Variants in STK32B observed in about 807,000 individuals in gnomAD.
STK32B encodes serine/threonine-protein kinase 32B.
In STK32B, 43 loss-of-function variants were observed where a neutral mutation model predicts 52.6. The ratio of observed to expected loss-of-function variants is 0.82; its 90% CI spans 0.64 to 1.05. The LOEUF (loss-of-function observed/expected upper bound fraction) is 1.05. Among genes scored for constraint, STK32B ranks in the 50% least tolerant of loss-of-function variants. The pLI is 0.00. For missense variants in STK32B, 621 were observed against 534.6 expected, an observed-to-expected ratio of 1.16 and a Z score of -1.59; for synonymous variants, 238 against 204.3, an observed-to-expected ratio of 1.17 and a Z score of -1.41.
intron 3 of STK32B, among the ~76,000 whole-genome samples, chr4:5,267,618 G>A (rs1041364025): frequency 1.3e-5 from 2 of 152,102 alleles, no homozygotes; most frequent in African/African-American, 4.8e-5. Context: ...TAAGTCAGTC[G>A]CACAGCTGGG....
chr4:5,494,669 C>T (rs1046310928), intron 11 of STK32B, among the ~76,000 whole-genome samples: 1 of 152,102 alleles, frequency 6.6e-6, no homozygotes, highest in Admixed American at 6.6e-5. Context: ...TCTTCCTAGC[C>T]TCGATGGTCT....
chr4:5,050,489 G>T (rs567325735), upstream of STK32B, among the ~76,000 whole-genome samples: 25 of 152,288 alleles, frequency 1.6e-4, no homozygotes, highest in African/African-American at 5.5e-4. Context: ...GAAAAAGAAA[G>T]AAGGGGAGAG....
chr4:5,489,415 A>T (rs1204245757), intron 11 of STK32B, among the ~76,000 whole-genome samples: 1 of 152,188 alleles, frequency 6.6e-6, no homozygotes, highest in South Asian at 2.1e-4. Flanking sequence ...TTAAATTAGC[A>T]ATACTTAATT....
upstream of STK32B, among the ~76,000 whole-genome samples, chr4:5,051,125 A>G (rs899171292): frequency 1.3e-5 from 2 of 152,260 alleles, no homozygotes; most frequent in South Asian, 2.1e-4. Flanking sequence ...ATGGGCAAAT[A>G]CAGGCTAGCG....
At chr4:5,116,813 C>T (rs1036857833) in intron 1 of STK32B, among the ~76,000 whole-genome samples, 1 of 151,398 alleles carries the variant, frequency 6.6e-6, no homozygotes, top group African/African-American at 2.5e-5. Context: ...TGTTTTAATT[C>T]CTTTCATCAA....
intron 11 of STK32B, among the ~76,000 whole-genome samples, chr4:5,492,059 C>T (rs1467023600): frequency 5.1e-4 from 77 of 152,084 alleles, no homozygotes; most frequent in South Asian, 1.2e-3. Flanking sequence ...CTTGGCAATG[C>T]GGGCTCTTTT....
chr4:5,152,961 A>G (rs755794218), intron 2 of STK32B, among the ~76,000 whole-genome samples: 10 of 152,208 alleles, frequency 6.6e-5, no homozygotes, highest in Non-Finnish European at 1.5e-4. Flanking sequence ...GGTCCTGGCA[A>G]CTGGAGACCC....
intron 4 of STK32B, among the ~76,000 whole-genome samples, chr4:5,336,549 G>C (rs1732709686): frequency 6.6e-6 from 1 of 151,658 alleles, no homozygotes; most frequent in Admixed American, 6.6e-5. Flanking sequence ...TGTGAAACAA[G>C]AAATAGCATT....
intron 3 of STK32B, among the ~76,000 whole-genome samples, chr4:5,233,238 C>G (rs1396574193): frequency 6.6e-6 from 1 of 152,146 alleles, no homozygotes; most frequent in African/African-American, 2.4e-5. Flanking sequence ...TTGGGGACCA[C>G]TGACTTATGC....
chr4:5,289,344 A>T (rs1728741428), intron 3 of STK32B, among the ~76,000 whole-genome samples: 1 of 152,168 alleles, frequency 6.6e-6, no homozygotes, highest in Non-Finnish European at 1.5e-5. Flanking sequence ...TGAGTCAGTG[A>T]GTGAGTGGTG....
chr4:5,100,330 TCCCTCCCTC>T (rs1713656987), intron 1 of STK32B, among the ~76,000 whole-genome samples: 1 of 87,598 alleles, frequency 1.1e-5, no homozygotes, highest in African/African-American at 4.3e-5. Context: ...CCCTTCTCCC[TCCCTCCCTC>T]CCTTCCTTCC....
In STK32B at chr4:5,468,005, G is replaced by A; in HGVS notation, c.1042-1G>A. 1.2e-6 allele frequency: 2 copies of A among 1,614,134 alleles called. No homozygotes were observed. Among genetic ancestry groups the A allele is most frequent in the Non-Finnish European group, 1.7e-6 (2 of 1,179,984 alleles). On this transcript the variant is annotated splice_acceptor_variant, in intron 10 of 11. Coordinates refer to ENST00000282908, the MANE Select transcript of STK32B (RefSeq NM_018401.3). LOFTEE classifies it high-confidence loss of function. ...AGTCACCCCTCTGTGCTCTTTGACA[G>A]AATGGACACCTGCAGCACTGTTTGG...
chr4:5,140,401 C>T (rs1185577397), intron 2 of STK32B: 2 of 906,132 alleles, frequency 2.2e-6, no homozygotes, highest in Admixed American at 3.7e-5. Context: ...AAAAATACTC[C>T]CCCCAGTCAA....
rs188887831 is a variant in STK32B at position 5,277,243 on chromosome 4, C to G, written c.261-53977C>G. Among the ~76,000 whole-genome samples, 530 of 152,314 alleles carry G rather than the reference C, an allele frequency of 3.5e-3. 4 individuals are homozygous for G. The highest frequency in any genetic ancestry group is 5.7e-3 in the Non-Finnish European group (390 of 68,036). ...GTCATGCACTTTCTAGCATTGGCTT[C>G]AACATGCCTCCTTCATCGGAATCAT... On this transcript the variant is annotated intron_variant, in intron 3 of 11. Coordinates refer to ENST00000282908, the MANE Select transcript of STK32B (RefSeq NM_018401.3).
At chr4:5,340,928 A>G (rs1733033449) in intron 4 of STK32B, among the ~76,000 whole-genome samples, 2 of 152,204 alleles carry the variant, frequency 1.3e-5, no homozygotes, top group South Asian at 4.1e-4. Flanking sequence ...GCTAGGTAGT[A>G]TAATGACCCC....
At chr4:5,034,936 A>G in the STK32B span, among the ~76,000 whole-genome samples, 1 of 152,170 alleles carries the variant, frequency 6.6e-6, no homozygotes, top group African/African-American at 2.4e-5. Flanking sequence ...CTGGCCATCA[A>G]CGACTTCCTT....
intron 8 of STK32B, among the ~76,000 whole-genome samples, chr4:5,457,303 C>A (rs1246495879): frequency 6.6e-6 from 1 of 150,764 alleles, no homozygotes; most frequent in Non-Finnish European, 1.5e-5. Context: ...GCAAGCTCCG[C>A]CTCCCGGGTT....
chr4:5,287,266 A>G (rs981337997), intron 3 of STK32B, among the ~76,000 whole-genome samples: 23 of 151,962 alleles, frequency 1.5e-4, no homozygotes, highest in Non-Finnish European at 2.6e-4. Flanking sequence ...ATCTTCAGCA[A>G]CTCTTAATAT....
intron 1 of STK32B, among the ~76,000 whole-genome samples, chr4:5,101,211 A>C (rs1713768672): frequency 6.6e-6 from 1 of 152,160 alleles, no homozygotes; most frequent in Non-Finnish European, 1.5e-5. Context: ...CCAGAGGACA[A>C]GATTTTTTTC....
Sources: gnomAD v4.1 joint callset for allele counts (sites outside exome capture counted in the v4.1 genomes callset) on GRCh38, gnomAD v4.1.1 for gene constraint, MANE v1.5 for transcripts, NCBI Gene and HGNC (gene_info 2026-07-23, HGNC 2026-07-21) for gene names.